Variants in UBN1 observed in about 807,000 individuals in gnomAD.
The protein encoded by UBN1 is ubinuclein-1.
A neutral mutation model predicts 108.5 loss-of-function variants in UBN1; 17 were observed. The observed-to-expected ratio is 0.16, with a 90% confidence interval of 0.11 to 0.24. The LOEUF is 0.24. Ranked by LOEUF, UBN1 falls within the 10% of genes least tolerant of loss-of-function variation. The pLI, the probability that UBN1 is intolerant of heterozygous loss-of-function variation, is 1.00. For missense variants in UBN1, 1,595 were observed against 1,394.4 expected (o/e 1.14, Z -2.29); for synonymous variants, 726 against 564.2 (o/e 1.29, Z -4.07).
intron 7 of UBN1, among the ~76,000 whole-genome samples, chr16:4,861,832 C>T (rs1394719746): frequency 6.6e-6 from 1 of 152,198 alleles, no homozygotes; most frequent in Non-Finnish European, 1.5e-5. Flanking sequence ...ATCCCGGCTA[C>T]TTGGGAGGCT....
At chr16:4,873,398 C>G (rs1567948075) in intron 14 of UBN1, among the ~76,000 whole-genome samples, 1 of 152,192 alleles carries the variant, frequency 6.6e-6, no homozygotes, top group African/African-American at 2.4e-5. Context: ...GGAAGAAATA[C>G]ACTCTAGCCA....
At chr16:4,857,464 G>A (rs950236091) in intron 2 of UBN1, among the ~76,000 whole-genome samples, 1 of 151,340 alleles carries the variant, frequency 6.6e-6, no homozygotes, top group African/African-American at 2.4e-5. Flanking sequence ...ATGGAAATAA[G>A]CCTTGGAAGC....
At chr16:4,869,786 G>A (rs1286803662) in intron 8 of UBN1, among the ~76,000 whole-genome samples, 2 of 152,168 alleles carry the variant, frequency 1.3e-5, no homozygotes, top group Non-Finnish European at 2.9e-5. Context: ...GAAACTGGAG[G>A]GGTGAGGCTT....
intron 7 of UBN1, among the ~76,000 whole-genome samples, chr16:4,864,596 T>C (rs17137352): frequency 0.088 from 13,324 of 152,210 alleles, 619 homozygotes; most frequent in African/African-American, 0.12. Context: ...TTGTCTTGGT[T>C]GTTGGCAGGT....
At chr16:4,849,475 GATAT>G (rs140151187) in intron 1 of UBN1, among the ~76,000 whole-genome samples, 10 of 150,750 alleles carry the variant, frequency 6.6e-5, no homozygotes, top group African/African-American at 1.2e-4. Flanking sequence ...TTTAGAAGGA[GATAT>G]ATATATATAT....
At chr16:4,854,968 C>T (rs971925015) in intron 2 of UBN1, among the ~76,000 whole-genome samples, 6 of 152,104 alleles carry the variant, frequency 3.9e-5, no homozygotes, top group Non-Finnish European at 5.9e-5. Flanking sequence ...GTGATCCGCC[C>T]GTCTCTGCCT....
In UBN1 at chr16:4,860,181, T is replaced by C. The variant is rs202061171; in HGVS notation, c.671+213T>C. Reference sequence around the variant, plus strand: ...CACTGTCAGTGTTGGCAGCTATTGTTGTCACTGTGTGACTGCTGATGTTTC... The same window carrying C: ...CACTGTCAGTGTTGGCAGCTATTGTCGTCACTGTGTGACTGCTGATGTTTC... On this transcript the variant is annotated intron_variant, in intron 6 of 17. Transcript: ENST00000262376. Among the ~76,000 whole-genome samples, 183 of 152,344 alleles carry C rather than the reference T, an allele frequency of 1.2e-3. 1 individual carries two copies. Among genetic ancestry groups the C allele is most frequent in the African/African-American group, 4.2e-3 (175 of 41,582 alleles).
intron 7 of UBN1, among the ~76,000 whole-genome samples, chr16:4,861,381 A>G (rs146578013): frequency 6.6e-6 from 1 of 152,318 alleles, no homozygotes; most frequent in Non-Finnish European, 1.5e-5. Flanking sequence ...TGTTTTCCAC[A>G]CGGCATCTTT....
At chr16:4,849,949 C>CAAAAAAAAAAAAAAAAA (rs751842571) in intron 1 of UBN1, among the ~76,000 whole-genome samples, 2 of 72,186 alleles carry the variant, frequency 2.8e-5, no homozygotes, top group African/African-American at 5.9e-5. Flanking sequence ...AACTGTCTCA[C>CAAAAAAAAAAAAAAAAA]AAAAAAAAAA....
chr16:4,876,077 G>C (rs1024635292), intron 15 of UBN1, among the ~76,000 whole-genome samples: 1 of 151,630 alleles, frequency 6.6e-6, no homozygotes, highest in African/African-American at 2.4e-5. Flanking sequence ...TCCTGCCTCA[G>C]CTTCTTGAGT....
intron 12 of UBN1, 138 bp downstream of exon 12, chr16:4,871,439 G>T: frequency 8.0e-7 from 1 of 1,252,920 alleles, no homozygotes; most frequent in Non-Finnish European, 1.1e-6. Flanking sequence ...CTGAGTAACT[G>T]GGGGACATGC....
chr16:4,864,075 CT>C (rs796516323), intron 7 of UBN1, among the ~76,000 whole-genome samples: 15,825 of 86,218 alleles, frequency 0.18, 685 homozygotes, highest in Admixed American at 0.25. Context: ...TTGTTGTTGC[CT>C]TTTTTTTTTT....
At position 4,874,984 on chromosome 16, in the gene UBN1, A is replaced by G. The variant is rs760905886; in HGVS notation, c.2574A>G (p.Ala858=). Residue 858 remains alanine (A), a synonymous_variant, in exon 15 of 18, where the codon GCA becomes GCG. Coordinates refer to ENST00000262376, the MANE Select transcript of UBN1 (RefSeq NM_001079514.3). ...AAKGQGFHPS[A]PATSGGLSAS... is the part of the protein sequence containing the mutation. The stretch of plus-strand genomic sequence containing the variant: ...AAGGCCAGGGCTTCCATCCCTCTGC[A>G]CCAGCCACCTCAGGAGGCCTGTCAG... 4 of 1,614,010 alleles carry G rather than the reference A, an allele frequency of 2.5e-6. No homozygotes were observed. The African/African-American group carries it at 5.3e-5, about 22-fold the overall frequency.
chr16:4,862,778 C>G (rs141801354), intron 7 of UBN1, among the ~76,000 whole-genome samples: 447 of 152,292 alleles, frequency 2.9e-3, no homozygotes, highest in African/African-American at 0.01. Context: ...ATGACATAAC[C>G]GGAAACAATG....
At position 4,849,210 on chromosome 16, in the gene UBN1, A is replaced by G. The variant is rs757860670; in HGVS notation, c.-40+1000A>G. Among the ~76,000 whole-genome samples, 55 of 152,222 alleles carry G rather than the reference A, an allele frequency of 3.6e-4. 1 individual carries two copies. Among genetic ancestry groups the G allele is most frequent in the Non-Finnish European group, 3.4e-4 (23 of 68,048 alleles). ...TGGTACATTTCTACCACTATTAGAT[A>G]ATAAGAATATATTGCCTAAAACCTG... On this transcript the variant is annotated intron_variant, in intron 1 of 17. Coordinates refer to ENST00000262376, the MANE Select transcript of UBN1 (RefSeq NM_001079514.3).
intron 12 of UBN1, chr16:4,872,105 G>T (rs1016545207): frequency 1.3e-6 from 1 of 783,784 alleles, no homozygotes; most frequent in African/African-American, 1.9e-5. Flanking sequence ...AAGTTAGCTG[G>T]AGTGATTTTC....
At chr16:4,873,711 G>A (rs1044493051) in intron 14 of UBN1, among the ~76,000 whole-genome samples, 4 of 152,176 alleles carry the variant, frequency 2.6e-5, no homozygotes, top group African/African-American at 7.2e-5. Context: ...AGGGATGCAG[G>A]AGTGAAGGAT....
rs956169861 is a variant in UBN1, at chr16:4,860,703, G to T, written c.711G>T (p.Lys237Asn). Residue 237 changes from lysine (K) to asparagine (N), a missense_variant, in exon 7 of 18, where the codon AAG becomes AAT. Physicochemically the swap from Lys to Asn is moderately conservative, Grantham distance 94 (BLOSUM62 0). Around this residue, in one of 3 missense-constraint regions of UBN1, gnomAD observed 1,398 missense variants for 1,194.7 expected, o/e 1.17. Coordinates refer to ENST00000262376, the MANE Select transcript of UBN1 (RefSeq NM_001079514.3). ...ALNASKEKKK[K>N]KYSGALSVKE... is the part of the protein sequence containing the mutation. Reference sequence around the variant, plus strand: ...ATGCCAGTAAGGAGAAGAAGAAGAAGAAATATTCTGGGGCTTTAAGCGTTA... The same window carrying T: ...ATGCCAGTAAGGAGAAGAAGAAGAATAAATATTCTGGGGCTTTAAGCGTTA... 2 of 1,613,548 alleles carry T rather than the reference G, an allele frequency of 1.2e-6. No homozygotes were observed. The highest frequency in any genetic ancestry group is 1.7e-6 in the Non-Finnish European group (2 of 1,179,932).
chr16:4,870,452 T>C, intron 9 of UBN1, 64 bp from the exon 10 acceptor site: 1 of 1,611,404 alleles, frequency 6.2e-7, no homozygotes, highest in Non-Finnish European at 8.5e-7. Context: ...GATCACCCCA[T>C]CATGCGTCCT....
Sources: allele counts gnomAD v4.1 joint callset (sites outside exome capture counted in the v4.1 genomes callset), GRCh38; gene constraint gnomAD v4.1.1; regional missense constraint gnomAD v4.1.1; transcripts MANE v1.5; gene names NCBI Gene and HGNC (gene_info 2026-07-23, HGNC 2026-07-21).